The following FASTKD3 variants were observed in gnomAD, a reference collection of about 807,000 sequenced individuals.
The protein encoded by FASTKD3 is FAST kinase domains 3, also known as FAST kinase domain-containing protein 3, mitochondrial.
In FASTKD3, 47 loss-of-function variants were observed where a neutral mutation model predicts 49.7. The observed-to-expected ratio is 0.95, with a 90% CI of 0.75 to 1.21. The LOEUF is 1.21. Among genes scored for constraint, FASTKD3 ranks in the 50% most tolerant of loss-of-function variants. The pLI is 0.00. For synonymous variants in FASTKD3, 284 were observed against 288.6 expected, an observed-to-expected ratio of 0.98 and a Z score of 0.16; for missense variants, 748 against 765.7, an observed-to-expected ratio of 0.98 and a Z score of 0.27.
At chr5:7,861,931 T>C in intron 4 of FASTKD3, 1 of 315,118 alleles carries the variant, frequency 3.2e-6, no homozygotes, top group Non-Finnish European at 5.4e-6. Context: ...ATGCATGCTT[T>C]CTCTTTCCCC....
Position 7,868,122 on chromosome 5 carries a change from T to G in FASTKD3, c.-39A>C. ...CAATTTGATAACTAAATTAAAAAAT[T>G]TAAAAACACATGGTTAAATACATTG... On this transcript the variant is annotated 5_prime_UTR_variant, in exon 2 of 7. An upstream open reading frame in the 5' UTR loses its in-frame stop. Transcript: ENST00000264669. 2 of 1,392,688 alleles carry G rather than the reference T, an allele frequency of 1.4e-6. No individual in the cohort carries two copies. The highest frequency in any genetic ancestry group is 2.0e-6 in the Non-Finnish European group (2 of 1,022,368). The allele number at this position is 1,392,688 out of a possible 1,614,324, so 86.3% of individuals were successfully genotyped here. A position where few individuals can be genotyped will look rare whatever the true frequency, so the allele number is the denominator to read the frequency against.
rs761815748 is a variant in FASTKD3 at position 7,867,565 on chromosome 5, C to T, written c.519G>A (p.Leu173=). The T allele has an allele frequency of 1.2e-6, 2 of 1,614,270 alleles. No homozygotes were observed. Among genetic ancestry groups the T allele is most frequent in the South Asian group, 2.2e-5 (2 of 91,088 alleles). ...AAGCAGTCACTAAACTAGTGTTTGA[C>T]AGCTGTGAGGGCTCCTTTTCAAACT... ...CFQFEKEPSQ[L]SNTSLVTALQ... is the part of the protein sequence containing the mutation. Residue 173 remains leucine (L), a synonymous_variant, in exon 2 of 7, where the codon CTG becomes CTA. Transcript: ENST00000264669.
At position 7,867,241 on chromosome 5, in the gene FASTKD3, G is replaced by A. The variant is rs1321444317; in HGVS notation, c.843C>T (p.Asn281=). 2 of 1,613,786 alleles carry A rather than the reference G, an allele frequency of 1.2e-6. No individual in the cohort carries two copies. The highest frequency in any genetic ancestry group is 1.7e-6 in the Non-Finnish European group (2 of 1,180,002). The part of the protein sequence containing the change: ...DEHQTFLNKI[N]NFSLSIVSNL... Reference sequence around the variant, plus strand: ...TGGAAACTATTGATAGGGAAAAGTTGTTTATCTTATTTAAAAATGTTTGGT... The same window carrying A: ...TGGAAACTATTGATAGGGAAAAGTTATTTATCTTATTTAAAAATGTTTGGT... Residue 281 remains asparagine, a synonymous_variant, in exon 2 of 7, where the codon AAC becomes AAT. Transcript: ENST00000264669.
rs371084535 is a variant in FASTKD3, at chr5:7,867,642, C to T, written c.442G>A (p.Gly148Arg). The T allele has an allele frequency of 8.7e-6, 14 of 1,614,112 alleles. No homozygotes were observed. Among genetic ancestry groups the T allele is most frequent in the Non-Finnish European group, 1.2e-5 (14 of 1,180,052 alleles). ...TTCTCCAGTATTTCTTTTGGCAGCC[C>T]TTGATCACCATCCTTTTTTTCCACT... ...CEVEKKDGDQGLPKEILENSI... is the reference protein window; with the variant it reads ...CEVEKKDGDQRLPKEILENSI... Residue 148 changes from glycine to arginine, a missense_variant, in exon 2 of 7, where the codon GGG (glycine) becomes AGG (arginine). Around this residue, in one of 3 missense-constraint regions of FASTKD3, gnomAD observed 564 missense variants for 562.8 expected, o/e 1.00. Transcript: ENST00000264669.
chr5:7,861,307 T>C, intron 5 of FASTKD3, 44 bp from the exon 6 acceptor site: 1 of 1,124,704 alleles, frequency 8.9e-7, no homozygotes. Flanking sequence ...TTTTAAATAA[T>C]CCAAAATATT....
At chr5:7,868,321 A>C (rs563968905) in intron 1 of FASTKD3, 125 bp from the exon 2 acceptor site, 1 of 468,460 alleles carries the variant, frequency 2.1e-6, no homozygotes, top group Non-Finnish European at 3.7e-6. Context: ...ATTACTTGCT[A>C]AACACTGTTG....
chr5:7,863,822 G>C (rs1746728139), intron 3 of FASTKD3, among the ~76,000 whole-genome samples: 1 of 152,074 alleles, frequency 6.6e-6, no homozygotes, highest in Non-Finnish European at 1.5e-5. Context: ...AAATGGCTGA[G>C]AGTACTTTTT....
chr5:7,860,395 T>C (rs1746452907), intron 6 of FASTKD3, among the ~76,000 whole-genome samples: 1 of 152,252 alleles, frequency 6.6e-6, no homozygotes. Flanking sequence ...AAGCTCCTTA[T>C]TTTAATGGAT....
rs771134314 is a variant in FASTKD3 at position 7,861,612 on chromosome 5, T to C, written c.1740A>G (p.Pro580=). The C allele has an allele frequency of 1.4e-5, 22 of 1,606,816 alleles. No homozygotes were observed. In the South Asian group the frequency reaches 2.5e-4, roughly 18 times the overall value. ...IKLDEEGFVL[P]STANEDIHKR... ...TATGGATATCTTCATTAGCTGTGGA[T>C]GGCAATACAAATCCTTCTTCATCTA... Residue 580 remains proline, a synonymous_variant, in exon 5 of 7, where the codon CCA becomes CCG. Transcript: ENST00000264669.
intron 3 of FASTKD3, chr5:7,863,336 G>A: frequency 3.9e-6 from 1 of 259,268 alleles, no homozygotes; most frequent in Non-Finnish European, 7.3e-6. Context: ...TTTTAGAACT[G>A]AGAATTGTCC....
chr5:7,865,891 C>A lies in FASTKD3; in HGVS notation c.1524+7G>T. ...GAAATAAAGCCACATATAGTTCATGCTTTTACCTTATAGAAAGGGCATTCC... is the reference window on the plus strand; with the variant it reads ...GAAATAAAGCCACATATAGTTCATGATTTTACCTTATAGAAAGGGCATTCC... On this transcript the variant is annotated splice_region_variant and intron_variant, in intron 3 of 6. Coordinates refer to ENST00000264669, the MANE Select transcript of FASTKD3 (RefSeq NM_024091.4). 1 of 1,610,852 alleles carries A rather than the reference C, an allele frequency of 6.2e-7. No individual in the cohort carries two copies. Among genetic ancestry groups the A allele is most frequent in the Non-Finnish European group, 8.5e-7 (1 of 1,177,104 alleles).
chr5:7,868,203 A>T lies in FASTKD3; in HGVS notation c.-113-7T>A. 58 of 94,292 alleles carry T rather than the reference A, an allele frequency of 6.2e-4. No individual in the cohort carries two copies. Among genetic ancestry groups the T allele is most frequent in the Middle Eastern group, 2.9e-3 (1 of 348 alleles). 5.8% of individuals were successfully genotyped at this position (94,292 alleles called of 1,614,324 possible). ...TGAAACTACAAACGAGTATCTGGAA[A>T]AAAAAAAAAAAAAAAAAAAAGGATG... On this transcript the variant is annotated splice_polypyrimidine_tract_variant and splice_region_variant and intron_variant, in intron 1 of 6. Transcript: ENST00000264669.
chr5:7,866,333 C>A (rs1177145373), intron 2 of FASTKD3, among the ~76,000 whole-genome samples: 3 of 129,218 alleles, frequency 2.3e-5, no homozygotes, highest in Non-Finnish European at 3.6e-5. Flanking sequence ...AAAAAAGATA[C>A]AGTTGCTCAC....
intron 6 of FASTKD3, among the ~76,000 whole-genome samples, chr5:7,860,628 G>A (rs1307687888): frequency 6.6e-6 from 1 of 152,150 alleles, no homozygotes; most frequent in African/African-American, 2.4e-5. Context: ...ACGTAAGATC[G>A]GTGGTCCACT....
intron 4 of FASTKD3, among the ~76,000 whole-genome samples, chr5:7,862,250 G>A (rs1019105630): frequency 2.6e-5 from 4 of 152,114 alleles, no homozygotes; most frequent in African/African-American, 7.2e-5. Flanking sequence ...CTGTAAGGAC[G>A]GAGGACTTGG....
Position 7,859,180 on chromosome 5 carries a change from C to A in FASTKD3, c.*255G>T. 1 of 246,358 alleles carries A rather than the reference C, an allele frequency of 4.1e-6. No homozygotes were observed. The highest frequency in any genetic ancestry group is 7.7e-6 in the Non-Finnish European group (1 of 130,642). 15.3% of individuals were successfully genotyped at this position (246,358 alleles called of 1,614,324 possible). A position where few individuals can be genotyped will look rare whatever the true frequency, so the allele number is the denominator to read the frequency against. ...AAAATACTTAAAAATAACATTTATT[C>A]ATTGAATTCCTTTACAGCACATGAT... On this transcript the variant is annotated 3_prime_UTR_variant, in exon 7 of 7. Coordinates refer to ENST00000264669, the MANE Select transcript of FASTKD3 (RefSeq NM_024091.4).
chr5:7,861,234 C>A lies in FASTKD3; in HGVS notation c.1799G>T (p.Arg600Met). The A allele has an allele frequency of 6.2e-7, 1 of 1,610,744 alleles. No homozygotes were observed. Among genetic ancestry groups the A allele is most frequent in the Non-Finnish European group, 8.5e-7 (1 of 1,177,718 alleles). ...RIALCIDGPK[R>M]FCSNSKHLLG... is the part of the protein sequence containing the mutation. The stretch of plus-strand genomic sequence containing the variant: ...TAAGTGTTTGCTATTGGAGCAAAAC[C>A]TTTTTGGACCATCAATACACAGTGC... Residue 600 changes from arginine to methionine, a missense_variant, in exon 6 of 7, where the codon AGG becomes ATG. Arg to Met is a moderately conservative substitution (Grantham distance 91). This residue lies in a region of FASTKD3 where 178 missense variants were observed against 182.2 expected (regional missense o/e 0.98). Transcript: ENST00000264669.
At chr5:7,863,030 A>C (rs1746667990) in intron 3 of FASTKD3, 33 bp from the exon 4 acceptor site, 1 of 1,560,770 alleles carries the variant, frequency 6.4e-7, no homozygotes, top group African/African-American at 1.4e-5. Context: ...GTGAGAAAGA[A>C]AAATAAGATA....
chr5:7,860,269 C>T (rs913594346), intron 6 of FASTKD3, among the ~76,000 whole-genome samples: 1 of 152,204 alleles, frequency 6.6e-6, no homozygotes, highest in African/African-American at 2.4e-5. Context: ...CTAGTACTGA[C>T]AGCTTAGAGA....
Sources: gnomAD v4.1 joint callset for allele counts (sites outside exome capture counted in the v4.1 genomes callset) on GRCh38, gnomAD v4.1.1 for gene constraint, gnomAD v4.1.1 regional missense constraint, MANE v1.5 for transcripts, NCBI Gene and HGNC (gene_info 2026-07-23, HGNC 2026-07-21) for gene names.